The following ADAM22 variants were observed in gnomAD, a reference collection of about 807,000 sequenced individuals.
ADAM22 encodes ADAM metallopeptidase domain 22.
In ADAM22, 65 loss-of-function variants were observed where a neutral mutation model predicts 144.6. The observed-to-expected ratio is 0.45, with a 90% confidence interval of 0.37 to 0.55. The LOEUF is 0.55. Among genes scored for constraint, ADAM22 ranks in the 20% least tolerant of loss-of-function variants. ADAM22 has a pLI of 0.00. For synonymous variants in ADAM22, 391 were observed against 412.6 expected (o/e 0.95, Z 0.63); for missense variants, 974 against 1,184.9 (o/e 0.82, Z 2.61).
rs180878618 is a variant in ADAM22 at position 88,077,675 on chromosome 7, A to G, written c.390+1983A>G. On this transcript the variant is annotated intron_variant, in intron 4 of 31. Coordinates refer to ENST00000413139, the MANE Select transcript of ADAM22 (RefSeq NM_001324418.2). ...CTGCGCTTTTCCAACGGGCTTAACA[A>G]ACGGCACACCAGGAGATTATATCCC... is the stretch of plus-strand genomic sequence containing the variant. Among the ~76,000 whole-genome samples, 473 of 152,336 alleles carry G rather than the reference A, an allele frequency of 3.1e-3. 1 individual carries two copies. Among genetic ancestry groups the G allele is most frequent in the Non-Finnish European group, 5.7e-3 (385 of 68,036 alleles).
chr7:88,171,388 G>A (rs1346783370), intron 25 of ADAM22, among the ~76,000 whole-genome samples, 156 bp from the exon 26 acceptor site: 6 of 151,844 alleles, frequency 4.0e-5, no homozygotes, highest in African/African-American at 1.2e-4. Context: ...ACATTTTTGT[G>A]TGTGCATTCC....
intron 3 of ADAM22, among the ~76,000 whole-genome samples, chr7:87,994,129 G>A (rs1790524651): frequency 6.6e-6 from 1 of 151,156 alleles, no homozygotes; most frequent in South Asian, 2.1e-4. Context: ...GTTAATTGAA[G>A]TCTCTTTCAC....
intron 3 of ADAM22, among the ~76,000 whole-genome samples, chr7:87,982,276 A>G (rs1437909149): frequency 2.0e-5 from 3 of 152,070 alleles, no homozygotes; most frequent in Non-Finnish European, 2.9e-5. Context: ...AGAGAGTGAC[A>G]GTGCCATTTA....
intron 21 of ADAM22, among the ~76,000 whole-genome samples, 185 bp downstream of exon 21, chr7:88,153,511 C>T (rs1839062130): frequency 6.6e-6 from 1 of 152,170 alleles, no homozygotes; most frequent in Admixed American, 6.5e-5. Context: ...CATGTGTGCT[C>T]ACCTCTCTCC....
intron 3 of ADAM22, among the ~76,000 whole-genome samples, chr7:88,056,062 T>C (rs4728728): frequency 0.013 from 2,041 of 152,340 alleles, 41 homozygotes; most frequent in East Asian, 0.042. Context: ...CTGTTAGTCC[T>C]GTGCAATACC....
At chr7:88,107,106 A>G (rs1585773394) in intron 4 of ADAM22, among the ~76,000 whole-genome samples, 1 of 151,796 alleles carries the variant, frequency 6.6e-6, no homozygotes, top group South Asian at 2.1e-4. Flanking sequence ...TCCTCCATCA[A>G]TATAATTTAG....
rs1312454266 is a variant in ADAM22, at chr7:88,199,969, A to G, written c.*3478A>G. On this transcript the variant is annotated 3_prime_UTR_variant, in exon 32 of 32. Coordinates refer to ENST00000413139, the MANE Select transcript of ADAM22 (RefSeq NM_001324418.2). Reference sequence around the variant, plus strand: ...TTCTCTGCACTTTCAGAGAAGGACTATTTATGTTTGAATTTCATAACAGGC... The same window carrying G: ...TTCTCTGCACTTTCAGAGAAGGACTGTTTATGTTTGAATTTCATAACAGGC... 1.3e-5 allele frequency: 2 copies of G among 152,248 alleles called. No homozygotes were observed. The highest frequency in any genetic ancestry group is 6.5e-5 in the Admixed American group (1 of 15,286). 9.4% of individuals were successfully genotyped at this position (152,248 alleles called of 1,614,324 possible).
At position 88,131,455 on chromosome 7, in the gene ADAM22, A is replaced by T. The variant is rs755094923; in HGVS notation, c.992+20A>T. The T allele has an allele frequency of 6.2e-7, 1 of 1,609,852 alleles. No individual in the cohort carries two copies. Among genetic ancestry groups the T allele is most frequent in the South Asian group, 1.1e-5 (1 of 90,982 alleles). On this transcript the variant is annotated intron_variant, in intron 11 of 31. Coordinates refer to ENST00000413139, the MANE Select transcript of ADAM22 (RefSeq NM_001324418.2). ...TTTTTCGTACGTAACTTCTGTAATGATGTATTACTTTTTTTGATTCCATGT... is the reference window on the plus strand; with the variant it reads ...TTTTTCGTACGTAACTTCTGTAATGTTGTATTACTTTTTTTGATTCCATGT...
chr7:88,176,951 G>C (rs1298743679), intron 26 of ADAM22, among the ~76,000 whole-genome samples: 4 of 152,000 alleles, frequency 2.6e-5, no homozygotes, highest in Admixed American at 2.6e-4. Context: ...TTATTGTAGA[G>C]ATGGAGTTTT....
chr7:88,031,285 G>A (rs967421811), intron 3 of ADAM22, among the ~76,000 whole-genome samples: 3 of 152,344 alleles, frequency 2.0e-5, no homozygotes, highest in Admixed American at 1.3e-4. Context: ...AAACTGGGTA[G>A]TGGGCAGAGG....
At chr7:87,970,355 G>A (rs1444601620) in intron 2 of ADAM22, among the ~76,000 whole-genome samples, 5 of 151,912 alleles carry the variant, frequency 3.3e-5, no homozygotes, top group African/African-American at 1.2e-4. Context: ...TGTTTAGGAC[G>A]CAGTACCTAA....
chr7:88,039,527 T>C (rs186455987), intron 3 of ADAM22, among the ~76,000 whole-genome samples: 6 of 146,184 alleles, frequency 4.1e-5, no homozygotes, highest in African/African-American at 1.2e-4. Context: ...TGATTTTGTT[T>C]CTATATCTTT....
chr7:88,183,748 G>A (rs1847655758), intron 29 of ADAM22, among the ~76,000 whole-genome samples: 1 of 151,308 alleles, frequency 6.6e-6, no homozygotes, highest in African/African-American at 2.4e-5. Context: ...TTAATTAAAT[G>A]GATCCAAGTC....
At position 88,181,672 on chromosome 7, in the gene ADAM22, G is replaced by T. The variant is rs952024090; in HGVS notation, c.2596+67G>T. 20 of 1,370,438 alleles carry T rather than the reference G, an allele frequency of 1.5e-5. No individual in the cohort carries two copies. The African/African-American group carries it at 2.3e-4, about 16-fold the overall frequency. 84.9% of individuals were successfully genotyped at this position (1,370,438 alleles called of 1,614,324 possible). ...GTTCTATATTCTGTGGCCCCTGGTT[G>T]TAAAGACTTTTATTTCTTTGAAGCT... On this transcript the variant is annotated intron_variant, in intron 28 of 31. Coordinates refer to ENST00000413139, the MANE Select transcript of ADAM22 (RefSeq NM_001324418.2).
Position 88,153,244 on chromosome 7 carries a change from T to G in ADAM22, c.1705T>G (p.Cys569Gly). 6.2e-7 allele frequency: 1 copy of G among 1,613,474 alleles called. No individual in the cohort carries two copies. The highest frequency in any genetic ancestry group is 8.5e-7 in the Non-Finnish European group (1 of 1,179,742). ...GQKVTASDKY[C>G]YEKLNIEGTE... ...AGAGGTGACAGCATCAGACAAATAT[T>G]GCTATGAGAAACTGAATATTGAAGG... Residue 569 changes from cysteine (C) to glycine (G), a missense_variant, in exon 21 of 32, where the codon TGC becomes GGC. Cys to Gly is a radical substitution (Grantham distance 159, BLOSUM62 -3). Transcript: ENST00000413139.
chr7:87,990,642 A>G (rs749106304), intron 3 of ADAM22, among the ~76,000 whole-genome samples: 1 of 152,006 alleles, frequency 6.6e-6, no homozygotes, highest in Non-Finnish European at 1.5e-5. Context: ...CCCTAAACAA[A>G]AGGTACATTT....
chr7:87,982,004 A>G (rs1853560833), intron 3 of ADAM22, among the ~76,000 whole-genome samples: 2 of 149,718 alleles, frequency 1.3e-5, no homozygotes, highest in Admixed American at 1.3e-4. Flanking sequence ...GTATAAGACA[A>G]ATCTGTGTTT....
intron 3 of ADAM22, among the ~76,000 whole-genome samples, chr7:88,067,194 G>A (rs1319764713): frequency 6.6e-6 from 1 of 151,272 alleles, no homozygotes; most frequent in East Asian, 1.9e-4. Context: ...AGATTCACCA[G>A]GGACTCATTT....
chr7:87,957,936 T>G (rs1847174477), intron 2 of ADAM22, among the ~76,000 whole-genome samples: 1 of 152,202 alleles, frequency 6.6e-6, no homozygotes, highest in Admixed American at 6.5e-5. Context: ...ATTACTGTTT[T>G]GTGTGTATTT....
Sources: allele counts gnomAD v4.1 joint callset (sites outside exome capture counted in the v4.1 genomes callset), GRCh38; gene constraint gnomAD v4.1.1; transcripts MANE v1.5; gene names NCBI Gene and HGNC (gene_info 2026-07-23, HGNC 2026-07-21).